LRP1B: variants seen among roughly 807,000 people sequenced by gnomAD.
LRP1B encodes the protein LDL receptor related protein 1B, also known as low-density lipoprotein receptor-related protein 1B.
LRP1B carries 217 observed loss-of-function variants against 556.6 expected under a neutral mutation model. The ratio of observed to expected loss-of-function variants is 0.39; its 90% confidence interval spans 0.35 to 0.44. The LOEUF (loss-of-function observed/expected upper bound fraction) is 0.44, where lower values mean the gene tolerates loss of function less well. Ranked by LOEUF, LRP1B falls within the 20% of genes least tolerant of loss-of-function variation. LRP1B has a pLI of 1.00. For missense variants in LRP1B, 5,053 were observed against 5,620.8 expected (o/e 0.90, Z 3.23); for synonymous variants, 2,047 against 1,865.8 (o/e 1.10, Z -2.50).
chr2:141,829,816 C>T (rs1015146336), intron 1 of LRP1B, among the ~76,000 whole-genome samples: 1 of 151,934 alleles, frequency 6.6e-6, no homozygotes, highest in African/African-American at 2.4e-5. Context: ...AGATTATGTT[C>T]AGTGCATGAA....
chr2:140,382,118 G>C (rs1342958969), intron 67 of LRP1B, among the ~76,000 whole-genome samples: 1 of 152,144 alleles, frequency 6.6e-6, no homozygotes, highest in East Asian at 1.9e-4. Flanking sequence ...AAAACTCTTA[G>C]TGATAAGTTC....
intron 18 of LRP1B, among the ~76,000 whole-genome samples, chr2:140,959,480 C>T (rs2105312851): frequency 6.6e-6 from 1 of 151,388 alleles, no homozygotes; most frequent in East Asian, 1.9e-4. Context: ...ATAATTACTA[C>T]TAAAATGAAT....
intron 7 of LRP1B, among the ~76,000 whole-genome samples, chr2:141,093,959 C>T (rs992076329): frequency 3.9e-5 from 6 of 152,080 alleles, no homozygotes; most frequent in African/African-American, 1.4e-4. Flanking sequence ...TCAAGTGATC[C>T]GCCCGCCTTA....
intron 3 of LRP1B, among the ~76,000 whole-genome samples, chr2:141,282,461 G>A (rs1024652852): frequency 1.4e-4 from 8 of 58,720 alleles, no homozygotes; most frequent in Non-Finnish European, 3.0e-4. Context: ...GCCTCTCGGG[G>A]GTTTTATATG....
intron 31 of LRP1B, among the ~76,000 whole-genome samples, chr2:140,828,426 G>A (rs4334437): frequency 0.77 from 111,073 of 144,416 alleles, 44,012 homozygotes; most frequent in Non-Finnish European, 0.87. Context: ...TGGCTAACAC[G>A]GTGAAACCCC....
intron 2 of LRP1B, among the ~76,000 whole-genome samples, chr2:141,734,652 A>AT (rs1278036092): frequency 6.6e-6 from 1 of 152,040 alleles, no homozygotes; most frequent in Non-Finnish European, 1.5e-5. Context: ...CAGTTCTCCT[A>AT]TTTTTTAAAA....
intron 31 of LRP1B, among the ~76,000 whole-genome samples, chr2:140,834,428 C>T (rs1469743914): frequency 1.3e-5 from 2 of 152,086 alleles, no homozygotes; most frequent in Non-Finnish European, 2.9e-5. Context: ...TCAGTAGAGA[C>T]GAGGTTTCAC....
chr2:141,308,458 C>T (rs1039481344), intron 3 of LRP1B, among the ~76,000 whole-genome samples: 2 of 152,126 alleles, frequency 1.3e-5, no homozygotes, highest in African/African-American at 4.8e-5. Context: ...ATAGGTATAT[C>T]ATGAATTTTC....
At chr2:140,735,482 A>G (rs1267450185) in intron 35 of LRP1B, among the ~76,000 whole-genome samples, 3 of 152,172 alleles carry the variant, frequency 2.0e-5, no homozygotes, top group Non-Finnish European at 4.4e-5. Flanking sequence ...GCTCTAATTG[A>G]GCTCCAGAGA....
intron 66 of LRP1B, among the ~76,000 whole-genome samples, chr2:140,401,743 G>A (rs888578896): frequency 2.0e-5 from 3 of 152,182 alleles, no homozygotes; most frequent in Non-Finnish European, 4.4e-5. Flanking sequence ...CCTCCTGGCT[G>A]GAAGCCAACT....
intron 1 of LRP1B, among the ~76,000 whole-genome samples, chr2:141,972,340 T>C (rs1701766610): frequency 6.6e-6 from 1 of 151,580 alleles, no homozygotes; most frequent in African/African-American, 2.4e-5. Context: ...TATATATGCA[T>C]ATTGTTTAGT....
intron 11 of LRP1B, among the ~76,000 whole-genome samples, chr2:141,039,052 A>G: frequency 6.6e-6 from 1 of 152,124 alleles, no homozygotes; most frequent in East Asian, 1.9e-4. Flanking sequence ...TTCCAGAAGT[A>G]AACAACTCAT....
At chr2:140,704,860 TA>T (rs1245779472) in intron 37 of LRP1B, among the ~76,000 whole-genome samples, 2 of 152,162 alleles carry the variant, frequency 1.3e-5, no homozygotes, top group Non-Finnish European at 2.9e-5. Flanking sequence ...AATGCACTAA[TA>T]AAAATATTAT....
chr2:141,916,199 T>C (rs1022640014), intron 1 of LRP1B, among the ~76,000 whole-genome samples: 5 of 151,890 alleles, frequency 3.3e-5, no homozygotes, highest in Admixed American at 6.6e-5. Flanking sequence ...GTGGATTGGA[T>C]AAAGAAAATG....
chr2:141,504,837 TAAG>T (rs757822177), intron 2 of LRP1B, among the ~76,000 whole-genome samples: 3 of 152,126 alleles, frequency 2.0e-5, no homozygotes, highest in Non-Finnish European at 4.4e-5. Context: ...AAATTAAAAT[TAAG>T]TAAGTGAAAT....
chr2:141,541,348 GA>G (rs1388897558), intron 2 of LRP1B, among the ~76,000 whole-genome samples: 1 of 151,964 alleles, frequency 6.6e-6, no homozygotes, highest in Non-Finnish European at 1.5e-5. Flanking sequence ...TAAGACAGAT[GA>G]AATTATTCTG....
intron 43 of LRP1B, among the ~76,000 whole-genome samples, chr2:140,545,250 G>T (rs1379658536): frequency 2.0e-5 from 3 of 150,956 alleles, no homozygotes; most frequent in African/African-American, 7.3e-5. Flanking sequence ...TGTTTACCCT[G>T]CCGATAGTTT....
At chr2:141,003,372 CTAAATTG>C (rs922335729) in intron 15 of LRP1B, among the ~76,000 whole-genome samples, 1 of 151,962 alleles carries the variant, frequency 6.6e-6, no homozygotes, top group African/African-American at 2.4e-5. Flanking sequence ...GCTTAAAAGT[CTAAATTG>C]TAAATTGTAA....
chr2:141,906,934 C>T (rs1348204789), intron 1 of LRP1B, among the ~76,000 whole-genome samples: 1 of 152,006 alleles, frequency 6.6e-6, no homozygotes. Context: ...TCCCATGTTT[C>T]CCATTTTGGC....
Sources: gnomAD v4.1 joint callset for allele counts (sites outside exome capture counted in the v4.1 genomes callset) on GRCh38, gnomAD v4.1.1 for gene constraint, MANE v1.5 for transcripts, NCBI Gene and HGNC (gene_info 2026-07-23, HGNC 2026-07-21) for gene names.